The following CRELD2 variants were observed in gnomAD, a reference collection of about 807,000 sequenced individuals.
The protein encoded by CRELD2 is protein disulfide isomerase CRELD2.
CRELD2 carries 33 observed loss-of-function variants against 48.1 expected under a neutral mutation model. The observed-to-expected ratio is 0.69, with a 90% CI of 0.52 to 0.92. CRELD2 has a LOEUF of 0.92. Among genes scored for constraint, CRELD2 ranks in the 40% least tolerant of loss-of-function variants. The pLI is 0.00. For synonymous variants in CRELD2, 220 were observed against 203.9 expected (o/e 1.08, Z -0.67); for missense variants, 477 against 482.4 (o/e 0.99, Z 0.10).
At chr22:49,922,180 C>CT (rs2060694935) in intron 5 of CRELD2, 4 of 1,186,554 alleles carry the variant, frequency 3.4e-6, no homozygotes, top group Admixed American at 2.8e-5. Context: ...TAGGAAAACT[C>CT]TGAGTGTCTC....
rs1199590025 is a variant in CRELD2, at chr22:49,925,023, C to CGGG, written c.869-390_869-388dup. On this transcript the variant is annotated intron_variant, in intron 8 of 9. Coordinates refer to ENST00000328268, the MANE Select transcript of CRELD2 (RefSeq NM_024324.5). ...GCGGGCGCCTGTAGTCCCAGCTACT[C>CGGG]GGGGGGCTGAGGCAGCAGAATGGCG... 4.9e-5 allele frequency: 8 copies of CGGG among 163,482 alleles called. 1 individual carries two copies. Among genetic ancestry groups the CGGG allele is most frequent in the Admixed American group, 4.4e-4 (7 of 15,916 alleles). The allele number at this position is 163,482 out of a possible 1,614,324, so 10.1% of individuals were successfully genotyped here.
At chr22:49,924,208 C>G in intron 7 of CRELD2, 152 bp from the exon 8 acceptor site, 5 of 578,144 alleles carry the variant, frequency 8.6e-6, no homozygotes, top group African/African-American at 3.7e-5. Flanking sequence ...GTGCTTTTGC[C>G]GGGAGACAGA....
Position 49,919,097 on chromosome 22 carries a change from G to T in CRELD2, c.130-133G>T. ...TGGAGTCCCCCTCACCCTTGACCCG[G>T]ATCCACCCCCACCGTGGAACCAGGG... On this transcript the variant is annotated intron_variant, in intron 1 of 9. Coordinates refer to ENST00000328268, the MANE Select transcript of CRELD2 (RefSeq NM_024324.5). 3.0e-6 allele frequency: 3 copies of T among 1,004,374 alleles called. No individual in the cohort carries two copies. In the South Asian group the frequency reaches 4.3e-5, roughly 14 times the overall value. The allele number at this position is 1,004,374 out of a possible 1,614,324, so 62.2% of individuals were successfully genotyped here.
chr22:49,920,768 A>T (rs1332042487), intron 4 of CRELD2, among the ~76,000 whole-genome samples: 2 of 152,206 alleles, frequency 1.3e-5, no homozygotes, highest in Non-Finnish European at 2.9e-5. Context: ...TATAAAAGCC[A>T]ATCTCGTGGT....
At chr22:49,921,876 C>A in intron 5 of CRELD2, 115 bp downstream of exon 5, 4 of 1,116,720 alleles carry the variant, frequency 3.6e-6, no homozygotes, top group Non-Finnish European at 5.1e-6. Context: ...CCCAGATGTC[C>A]AAGGAAGCTT....
intron 7 of CRELD2, 29 bp from the exon 8 acceptor site, chr22:49,924,331 C>A (rs377077773): frequency 3.1e-5 from 48 of 1,554,796 alleles, no homozygotes; most frequent in Non-Finnish European, 3.6e-5. Flanking sequence ...TTGTGCATGT[C>A]GGGGTCTGAC....
chr22:49,920,449 C>T (rs2060673584), intron 4 of CRELD2, among the ~76,000 whole-genome samples: 1 of 152,220 alleles, frequency 6.6e-6, no homozygotes, highest in Non-Finnish European at 1.5e-5. Context: ...CACCACTAAC[C>T]TCATGCTTTA....
At chr22:49,922,934 GTGAGGTGTGGGGGCA>G in intron 6 of CRELD2, among the ~76,000 whole-genome samples, 1 of 143,042 alleles carries the variant, frequency 7.0e-6, no homozygotes, top group South Asian at 2.3e-4. Flanking sequence ...AGGTGGGGGC[GTGAGGTGTGGGGGCA>G]CTCACTGTCT....
At position 49,923,336 on chromosome 22, in the gene CRELD2, T is replaced by TCTGCAATCCGGGGC; in HGVS notation, c.772+24_772+25insATCCGGGGCCTGCA. 1 of 1,564,984 alleles carries TCTGCAATCCGGGGC rather than the reference T, an allele frequency of 6.4e-7. No homozygotes were observed. Among genetic ancestry groups the TCTGCAATCCGGGGC allele is most frequent in the Non-Finnish European group, 8.8e-7 (1 of 1,140,138 alleles). On this transcript the variant is annotated intron_variant, in intron 7 of 9. Transcript: ENST00000328268. The stretch of plus-strand genomic sequence containing the variant: ...TGCGAAGGTGGGCCAGGCGGGCGGG[T>TCTGCAATCCGGGGC]CTGCACTCCGGGGCCTGCCGGGTTT...
chr22:49,925,284 G>A, intron 8 of CRELD2, 133 bp from the exon 9 acceptor site: 1 of 688,680 alleles, frequency 1.5e-6, no homozygotes, highest in Admixed American at 2.6e-5. Flanking sequence ...CCTGATCTTT[G>A]CTCCTTTCTG....
At chr22:49,922,275 C>T (rs765691862) in intron 5 of CRELD2, 14 of 1,405,236 alleles carry the variant, frequency 1.0e-5, no homozygotes, top group African/African-American at 6.9e-5. Context: ...CCGGCCTCTC[C>T]GATTCTTACG....
intron 5 of CRELD2, 110 bp from the exon 6 acceptor site, chr22:49,922,501 GA>G: frequency 1.3e-6 from 2 of 1,510,958 alleles, no homozygotes; most frequent in Non-Finnish European, 1.8e-6. Context: ...CATGGGCACT[GA>G]AAATCCCGTG....
intron 3 of CRELD2, 65 bp downstream of exon 3, chr22:49,919,905 C>G: frequency 2.4e-6 from 3 of 1,263,616 alleles, no homozygotes; most frequent in Non-Finnish European, 3.4e-6. Context: ...GAAATAACCT[C>G]AGACTTAGAA....
chr22:49,919,464 A>T (rs1028532783), intron 2 of CRELD2, 152 bp downstream of exon 2: 88 of 731,314 alleles, frequency 1.2e-4, no homozygotes, highest in Non-Finnish European at 3.0e-5. Flanking sequence ...CTCCCTGAGG[A>T]CTAATGGCTG....
chr22:49,919,956 C>T, intron 3 of CRELD2, 116 bp downstream of exon 3: 1 of 845,576 alleles, frequency 1.2e-6, no homozygotes, highest in Non-Finnish European at 1.9e-6. Flanking sequence ...GCCTCGCACC[C>T]ACCTTACCCC....
Position 49,923,345 on chromosome 22 carries a change from C to T in CRELD2, c.772+28C>T, listed in dbSNP as rs374913838. The T allele has an allele frequency of 1.9e-5, 30 of 1,558,148 alleles. No individual in the cohort carries two copies. The Admixed American group carries it at 3.4e-4, about 17-fold the overall frequency. ...GGGCCAGGCGGGCGGGTCTGCACTC[C>T]GGGGCCTGCCGGGTTTCGTTGCTGC... On this transcript the variant is annotated intron_variant, in intron 7 of 9. Coordinates refer to ENST00000328268, the MANE Select transcript of CRELD2 (RefSeq NM_024324.5).
Position 49,922,443 on chromosome 22 carries a change from G to A in CRELD2, c.593-169G>A, listed in dbSNP as rs1283029931. On this transcript the variant is annotated intron_variant, in intron 5 of 9. Transcript: ENST00000328268. ...AGTATGGATAGCTGCCTTCTCTCCA[G>A]GTTATTAAAAATTCCTTGGAGTCCT... The A allele has an allele frequency of 6.3e-7, 1 of 1,582,690 alleles. No homozygotes were observed. The highest frequency in any genetic ancestry group is 1.1e-5 in the South Asian group (1 of 88,634).
chr22:49,919,686 C>T, intron 2 of CRELD2, 44 bp from the exon 3 acceptor site: 1 of 1,471,744 alleles, frequency 6.8e-7, no homozygotes, highest in Non-Finnish European at 9.3e-7. Flanking sequence ...TTCTTCACTG[C>T]CTTGGAGGCG....
At position 49,919,222 on chromosome 22, in the gene CRELD2, C is replaced by A; in HGVS notation, c.130-8C>A. The A allele has an allele frequency of 6.2e-7, 1 of 1,613,562 alleles. No individual in the cohort carries two copies. The highest frequency in any genetic ancestry group is 8.5e-7 in the Non-Finnish European group (1 of 1,179,910). ...GTACCAAGCACTATGGGCACTGTCTCCTCGCAGGGGATGGTGGACACCGCA... is the reference window on the plus strand; with the variant it reads ...GTACCAAGCACTATGGGCACTGTCTACTCGCAGGGGATGGTGGACACCGCA... On this transcript the variant is annotated splice_region_variant and splice_polypyrimidine_tract_variant and intron_variant, in intron 1 of 9. Coordinates refer to ENST00000328268, the MANE Select transcript of CRELD2 (RefSeq NM_024324.5).
Sources: allele counts gnomAD v4.1 joint callset (sites outside exome capture counted in the v4.1 genomes callset), GRCh38; gene constraint gnomAD v4.1.1; transcripts MANE v1.5; gene names NCBI Gene and HGNC (gene_info 2026-07-23, HGNC 2026-07-21).